IGFL4: variants seen among roughly 807,000 people sequenced by gnomAD.
IGFL4 encodes insulin growth factor-like family member 4.
IGFL4 carries 12 observed loss-of-function variants against 15.4 expected under a neutral mutation model. The ratio of observed to expected loss-of-function variants is 0.78; its 90% CI spans 0.50 to 1.26. The LOEUF is 1.26. Among genes scored for constraint, IGFL4 ranks in the 50% most tolerant of loss-of-function variants. The pLI, the probability that IGFL4 is intolerant of heterozygous loss-of-function variation, is 0.00. For synonymous variants in IGFL4, 54 were observed against 55.9 expected, an observed-to-expected ratio of 0.97 and a Z score of 0.16; for missense variants, 126 against 147.8, an observed-to-expected ratio of 0.85 and a Z score of 0.76.
chr19:46,047,034 G>T (rs943973934), intron 2 of IGFL4, among the ~76,000 whole-genome samples: 1 of 152,116 alleles, frequency 6.6e-6, no homozygotes, highest in African/African-American at 2.4e-5. Flanking sequence ...CAAAAGAACT[G>T]AAGTCATAAC....
intron 2 of IGFL4, among the ~76,000 whole-genome samples, chr19:46,046,060 G>A (rs191982171): frequency 2.0e-4 from 30 of 152,246 alleles, no homozygotes; most frequent in South Asian, 8.3e-4. Flanking sequence ...GACTACCAGC[G>A]GACCTCTCAG....
chr19:46,057,815 C>T (rs908761471), intron 2 of IGFL4: 9 of 152,144 alleles, frequency 5.9e-5, no homozygotes, highest in African/African-American at 2.2e-4. Flanking sequence ...AGGGAACTCT[C>T]ATTTATAAAA....
At chr19:46,055,674 A>G (rs1429420023) in intron 2 of IGFL4, among the ~76,000 whole-genome samples, 1 of 152,250 alleles carries the variant, frequency 6.6e-6, no homozygotes, top group Non-Finnish European at 1.5e-5. Context: ...ATACTTGGAA[A>G]GATCAGAATG....
intron 1 of IGFL4, among the ~76,000 whole-genome samples, chr19:46,061,942 T>C (rs1444980652): frequency 6.6e-6 from 1 of 152,198 alleles, no homozygotes; most frequent in Non-Finnish European, 1.5e-5. Context: ...ATTTCTGATA[T>C]TCCCCCAAAT....
chr19:46,040,598 T>G lies in IGFL4; in HGVS notation c.20-30A>C. ...GAAGCAGAAGGAGAGCGAGAATGATTCTGAGGTCACTAGGTCTTGACCACG... is the reference window on the plus strand; with the variant it reads ...GAAGCAGAAGGAGAGCGAGAATGATGCTGAGGTCACTAGGTCTTGACCACG... On this transcript the variant is annotated intron_variant, in intron 1 of 3. Transcript: ENST00000377697. The surrounding 1 kb of genome is among the most constrained non-coding windows in gnomAD (Gnocchi z 4.1). 6.2e-7 allele frequency: 1 copy of G among 1,613,190 alleles called. No homozygotes were observed. Among genetic ancestry groups the G allele is most frequent in the Non-Finnish European group, 8.5e-7 (1 of 1,179,476 alleles).
In IGFL4 at chr19:46,054,179, T is replaced by C. The variant is rs149665121; in HGVS notation, c.-323+6006A>G. Among the ~76,000 whole-genome samples the C allele has an allele frequency of 6.1e-4, 93 of 152,320 alleles. 1 individual carries two copies. The East Asian group carries it at 0.013, about 21-fold the overall frequency. On this transcript the variant is annotated intron_variant, in intron 2 of 5. Coordinates refer to the IGFL4 transcript ENST00000601672. ...TTGAGGTTTTATTCATAAGATATTT[T>C]CTCAGACTAATATCCTGAAGCATTT...
At chr19:46,073,627 C>G (rs991341634) in intron 1 of IGFL4, among the ~76,000 whole-genome samples, 2 of 152,186 alleles carry the variant, frequency 1.3e-5, no homozygotes, top group African/African-American at 4.8e-5. Context: ...ACAGTCTCTG[C>G]TAACACAAGA....
upstream of IGFL4, among the ~76,000 whole-genome samples, chr19:46,045,980 G>A (rs767715100): frequency 2.6e-5 from 4 of 152,068 alleles, no homozygotes; most frequent in South Asian, 2.1e-4. Context: ...CTTCATTGTC[G>A]AAATGAAAGA....
At chr19:46,072,547 T>A (rs1392114663) in intron 1 of IGFL4, among the ~76,000 whole-genome samples, 1 of 152,220 alleles carries the variant, frequency 6.6e-6, no homozygotes, top group Non-Finnish European at 1.5e-5. Flanking sequence ...CATTGAAATA[T>A]GTTTAATGTC....
chr19:46,072,533 A>G (rs530278743), intron 1 of IGFL4, among the ~76,000 whole-genome samples: 20 of 152,358 alleles, frequency 1.3e-4, no homozygotes, highest in Non-Finnish European at 2.5e-4. Context: ...GGAGATGCCA[A>G]TGCCATTGAA....
At chr19:46,067,248 A>C (rs912510978) in intron 1 of IGFL4, among the ~76,000 whole-genome samples, 1 of 152,060 alleles carries the variant, frequency 6.6e-6, no homozygotes, top group Admixed American at 6.6e-5. Flanking sequence ...CCTATACCTA[A>C]CACTACTATC....
Position 46,039,647 on chromosome 19 carries a change from T to C in IGFL4, c.*245A>G. The stretch of plus-strand genomic sequence containing the variant: ...GGATTCCTAGGTATTTTATTCTCTG[T>C]GAAGCAATTGTGAATGGGAGTTCAC... On this transcript the variant is annotated 3_prime_UTR_variant, in exon 4 of 4. Transcript: ENST00000377697. 1 of 388,796 alleles carries C rather than the reference T, an allele frequency of 2.6e-6. No homozygotes were observed. The highest frequency in any genetic ancestry group is 4.9e-6 in the Non-Finnish European group (1 of 204,104). The allele number at this position is 388,796 out of a possible 1,614,324, so 24.1% of individuals were successfully genotyped here.
At chr19:46,071,389 T>G (rs560541399) in intron 1 of IGFL4, among the ~76,000 whole-genome samples, 1 of 152,326 alleles carries the variant, frequency 6.6e-6, no homozygotes, top group African/African-American at 2.4e-5. Context: ...ACTCCTCTTA[T>G]ATCACTAGTA....
intron 1 of IGFL4, among the ~76,000 whole-genome samples, chr19:46,068,973 G>A (rs976371447): frequency 6.6e-6 from 1 of 152,190 alleles, no homozygotes; most frequent in Non-Finnish European, 1.5e-5. Context: ...GGACAGGAGA[G>A]CATGTTTCCC....
intron 2 of IGFL4, among the ~76,000 whole-genome samples, chr19:46,055,703 C>T (rs1313693256): frequency 1.3e-5 from 2 of 152,200 alleles, no homozygotes; most frequent in Admixed American, 6.5e-5. Flanking sequence ...TAGATATTTA[C>T]ACTTTGTTCT....
intron 1 of IGFL4, among the ~76,000 whole-genome samples, chr19:46,065,524 G>A (rs917740520): frequency 6.6e-6 from 1 of 152,184 alleles, no homozygotes; most frequent in Non-Finnish European, 1.5e-5. Context: ...GGCCAGGCTG[G>A]TCTCAATCTC....
At position 46,039,738 on chromosome 19, in the gene IGFL4, A is replaced by T; in HGVS notation, c.*154T>A. The stretch of plus-strand genomic sequence containing the variant: ...GAATGCTTGTGATTTTTGTACATTG[A>T]TTTTGTATCCTGAGACTTTGCTGAA... On this transcript the variant is annotated 3_prime_UTR_variant, in exon 4 of 4. Coordinates refer to ENST00000377697, the MANE Select transcript of IGFL4 (RefSeq NM_001002923.3). 1 of 651,142 alleles carries T rather than the reference A, an allele frequency of 1.5e-6. No individual in the cohort carries two copies. 40.3% of individuals were successfully genotyped at this position (651,142 alleles called of 1,614,324 possible).
intron 1 of IGFL4, among the ~76,000 whole-genome samples, chr19:46,066,285 T>C (rs925434640): frequency 6.6e-6 from 1 of 152,214 alleles, no homozygotes; most frequent in Non-Finnish European, 1.5e-5. Context: ...TCCCAAGTGT[T>C]ACCCAAAACA....
upstream of IGFL4, among the ~76,000 whole-genome samples, chr19:46,042,734 C>G (rs1450110874): frequency 6.6e-6 from 1 of 152,162 alleles, no homozygotes; most frequent in African/African-American, 2.4e-5. Flanking sequence ...GATGACTGAA[C>G]AAGAATAATA....
Sources: gnomAD v4.1 joint callset for allele counts (sites outside exome capture counted in the v4.1 genomes callset) on GRCh38, gnomAD v4.1.1 for gene constraint, Gnocchi (gnomAD v3.1) non-coding constraint, MANE v1.5 for transcripts, NCBI Gene and HGNC (gene_info 2026-07-23, HGNC 2026-07-21) for gene names.